Variants in DPP9 observed in about 807,000 individuals in gnomAD.
DPP9 encodes the protein dipeptidyl peptidase 9, also known as dipeptidyl peptidase IV-related protein-2.
In DPP9, 50 loss-of-function variants were observed where a neutral mutation model predicts 110.7. The observed-to-expected ratio is 0.45, with a 90% CI of 0.36 to 0.57. The LOEUF is 0.57. DPP9 is among the 20% of genes least tolerant of loss of function. The probability of loss-of-function intolerance (pLI) is 0.00; values close to 1 mark genes in which losing one functional copy is unlikely to be tolerated. For missense variants in DPP9, 1,022 were observed against 1,217.9 expected (o/e 0.84, Z 2.39); for synonymous variants, 561 against 514.4 (o/e 1.09, Z -1.23).
intron 19 of DPP9, chr19:4,683,146 C>A: frequency 6.9e-7 from 1 of 1,453,714 alleles, no homozygotes; most frequent in Non-Finnish European, 9.1e-7. Context: ...CCCTGACTGC[C>A]GCCGGCCTGG....
At position 4,700,991 on chromosome 19, in the gene DPP9, A is replaced by G. The variant is rs1019940095; in HGVS notation, c.1013-714T>C. 6.6e-6 allele frequency among the ~76,000 whole-genome samples: 1 copy of G among 152,156 alleles called. No individual in the cohort carries two copies. The highest frequency in any genetic ancestry group is 1.5e-5 in the Non-Finnish European group (1 of 68,036). ...TAGCTCATTTGCAGTGGGAGTTGGA[A>G]AGACCGTACAGGAAGCTTCCATCTA... is the stretch of plus-strand genomic sequence containing the variant. On this transcript the variant is annotated intron_variant, in intron 9 of 21. Transcript: ENST00000262960. The surrounding 1 kb of genome is among the most constrained non-coding windows in gnomAD (Gnocchi z 4.3).
intron 4 of DPP9, 65 bp downstream of exon 4, chr19:4,714,016 G>A: frequency 5.9e-6 from 9 of 1,519,858 alleles, no homozygotes; most frequent in Non-Finnish European, 7.9e-6. Context: ...TGGGAACAGA[G>A]AGGACCAGGG....
rs1242603327 is a variant in DPP9 at position 4,687,730 on chromosome 19, G to A, written c.1885+1027C>T. Reference sequence around the variant, plus strand: ...GGTGAGTGGAAAGCCTGATAACCACGGCGGGTTTCAAACCAGTGTGGGTGG... The same window carrying A: ...GGTGAGTGGAAAGCCTGATAACCACAGCGGGTTTCAAACCAGTGTGGGTGG... On this transcript the variant is annotated intron_variant, in intron 16 of 21. Coordinates refer to ENST00000262960, the MANE Select transcript of DPP9 (RefSeq NM_139159.5). This position sits in a 1 kb window ranked among gnomAD's most constrained non-coding sequence, Gnocchi z 4.7. Among the ~76,000 whole-genome samples the A allele has an allele frequency of 1.3e-5, 2 of 152,206 alleles. No homozygotes were observed. The highest frequency in any genetic ancestry group is 3.9e-4 in the East Asian group (2 of 5,194).
Position 4,695,338 on chromosome 19 carries a change from G to A in DPP9, c.1353+40C>T. On this transcript the variant is annotated intron_variant, in intron 12 of 21. Transcript: ENST00000262960. This position sits in a 1 kb window ranked among gnomAD's most constrained non-coding sequence, Gnocchi z 4.7. ...TGGGGGTGGGGACAGTGTGACTCCA[G>A]GGCCCAGGCGGGCATACAGCCAGCG... 1 of 1,519,132 alleles carries A rather than the reference G, an allele frequency of 6.6e-7. No individual in the cohort carries two copies. The allele number at this position is 1,519,132 out of a possible 1,614,324, so 94.1% of individuals were successfully genotyped here. A position where few individuals can be genotyped will look rare whatever the true frequency, so the allele number is the denominator to read the frequency against.
rs1250480046 is a variant in DPP9 at position 4,675,930 on chromosome 19, C to G, written c.*634G>C. 1 of 152,474 alleles carries G rather than the reference C, an allele frequency of 6.6e-6. No individual in the cohort carries two copies. Among genetic ancestry groups the G allele is most frequent in the Non-Finnish European group, 1.5e-5 (1 of 68,306 alleles). 9.4% of individuals were successfully genotyped at this position (152,474 alleles called of 1,614,324 possible). On this transcript the variant is annotated 3_prime_UTR_variant, in exon 22 of 22. Coordinates refer to ENST00000262960, the MANE Select transcript of DPP9 (RefSeq NM_139159.5). Reference sequence around the variant, plus strand: ...GGGATTATAGGCACGCGCCACCACACCCGGCTAATTTTTTGTATTTTTAGT... The same window carrying G: ...GGGATTATAGGCACGCGCCACCACAGCCGGCTAATTTTTTGTATTTTTAGT...
chr19:4,720,054 C>G, intron 2 of DPP9, 113 bp from the exon 3 acceptor site: 1 of 878,192 alleles, frequency 1.1e-6, no homozygotes, highest in Non-Finnish European at 1.8e-6. Flanking sequence ...CCCAAGCCTC[C>G]GGGGAGCACC....
rs1471054086 is a variant in DPP9, at chr19:4,683,104, C to T, written c.2332-266G>A. 5 of 1,480,810 alleles carry T rather than the reference C, an allele frequency of 3.4e-6. 1 individual carries two copies. Among genetic ancestry groups the T allele is most frequent in the Middle Eastern group, 4.7e-4 (2 of 4,272 alleles). The allele number at this position is 1,480,810 out of a possible 1,614,324, so 91.7% of individuals were successfully genotyped here. The stretch of plus-strand genomic sequence containing the variant: ...CCGGGTCCCACTGCCCGTCTGCCTC[C>T]TCCTCCTCCTCATCGCCGCCGCCCC... On this transcript the variant is annotated intron_variant, in intron 19 of 21. Coordinates refer to ENST00000262960, the MANE Select transcript of DPP9 (RefSeq NM_139159.5).
intron 4 of DPP9, among the ~76,000 whole-genome samples, chr19:4,709,303 G>A (rs1805447056): frequency 6.6e-6 from 1 of 152,120 alleles, no homozygotes; most frequent in Admixed American, 6.6e-5. Flanking sequence ...GCATGAGGAA[G>A]CGCGCTTGTG....
chr19:4,719,743 G>A (rs2093235778), intron 3 of DPP9, 108 bp downstream of exon 3: 1 of 1,305,576 alleles, frequency 7.7e-7, no homozygotes, highest in African/African-American at 1.5e-5. Context: ...ACGTGCTGGG[G>A]AAGCCAGGGG....
Position 4,683,631 on chromosome 19 carries a change from T to G in DPP9, c.2179-2A>C. 1 of 1,613,368 alleles carries G rather than the reference T, an allele frequency of 6.2e-7. No individual in the cohort carries two copies. Among genetic ancestry groups the G allele is most frequent in the Non-Finnish European group, 8.5e-7 (1 of 1,179,852 alleles). On this transcript the variant is annotated splice_acceptor_variant, in intron 18 of 21. Transcript: ENST00000262960. LOFTEE classifies it high-confidence loss of function. ...CTGGTCCTCGATCTCCACCTGGCCC[T>G]GAGGGATGAAGCCGGGCACCTCTCA... is the stretch of plus-strand genomic sequence containing the variant.
intron 4 of DPP9, among the ~76,000 whole-genome samples, chr19:4,711,547 C>T (rs546491403): frequency 2.8e-4 from 43 of 151,876 alleles, no homozygotes; most frequent in African/African-American, 7.0e-4. Context: ...CTGAGGCAGG[C>T]GGATCACCTG....
Position 4,679,073 on chromosome 19 carries a change from C to A in DPP9, c.2586+762G>T, listed in dbSNP as rs2089366139. 3.3e-5 allele frequency among the ~76,000 whole-genome samples: 5 copies of A among 151,462 alleles called. No individual in the cohort carries two copies. In the South Asian group the frequency reaches 1.0e-3, roughly 32 times the overall value. On this transcript the variant is annotated intron_variant, in intron 21 of 21. Transcript: ENST00000262960. The stretch of plus-strand genomic sequence containing the variant: ...GCTCCACCCTGCTTACTGAGGGCCC[C>A]CCCTCCTCTACAGCAGAAGCCCCAC...
Position 4,684,411 on chromosome 19 carries a change from A to G in DPP9, c.2178+252T>C. ...GTGCAAAGGGGCCGAGATGATCGCC[A>G]TCACCACCGTCGTCATCACCAGTGT... is the stretch of plus-strand genomic sequence containing the variant. On this transcript the variant is annotated intron_variant, in intron 18 of 21. Coordinates refer to ENST00000262960, the MANE Select transcript of DPP9 (RefSeq NM_139159.5). This position sits in a 1 kb window ranked among gnomAD's most constrained non-coding sequence, Gnocchi z 4.8. 1 of 534,788 alleles carries G rather than the reference A, an allele frequency of 1.9e-6. No homozygotes were observed. The highest frequency in any genetic ancestry group is 3.3e-6 in the Non-Finnish European group (1 of 299,086). The allele number at this position is 534,788 out of a possible 1,614,324, so 33.1% of individuals were successfully genotyped here.
intron 4 of DPP9, 31 bp downstream of exon 4, chr19:4,714,050 C>A (rs1271129961): frequency 6.3e-7 from 1 of 1,585,138 alleles, no homozygotes; most frequent in Non-Finnish European, 8.6e-7. Flanking sequence ...GATGCTGTCC[C>A]CGCCCAAGCA....
chr19:4,683,767 G>A (rs755165703), intron 18 of DPP9, 138 bp from the exon 19 acceptor site: 71 of 1,576,920 alleles, frequency 4.5e-5, no homozygotes, highest in Non-Finnish European at 5.7e-5. Flanking sequence ...GTCCTTCCAG[G>A]CCCTGCTAAC....
rs2093116727 is a variant in DPP9 at position 4,717,097 on chromosome 19, A to G, written c.56+2754T>C. ...TCCAACTCGACCCCAAAGAAATGACAGGGGAAAATGCTTCCCTTGTTTCAT... is the reference window on the plus strand; with the variant it reads ...TCCAACTCGACCCCAAAGAAATGACGGGGGAAAATGCTTCCCTTGTTTCAT... On this transcript the variant is annotated intron_variant, in intron 3 of 21. Transcript: ENST00000262960. Among the ~76,000 whole-genome samples the G allele has an allele frequency of 2.0e-5, 3 of 152,200 alleles. No individual in the cohort carries two copies. The South Asian group carries it at 6.2e-4, about 32-fold the overall frequency.
rs1397054375 is a variant in DPP9 at position 4,684,025 on chromosome 19, C to T, written c.2179-396G>A. On this transcript the variant is annotated intron_variant, in intron 18 of 21. Transcript: ENST00000262960. This position sits in a 1 kb window ranked among gnomAD's most constrained non-coding sequence, Gnocchi z 4.8. ...TCGCCGTTGTCACTACCAGCCACAT[C>T]CCCACCACCGCCACTGCCACGATTT... 12 of 384,234 alleles carry T rather than the reference C, an allele frequency of 3.1e-5. No individual in the cohort carries two copies. The highest frequency in any genetic ancestry group is 2.3e-4 in the South Asian group (11 of 47,800). 23.8% of individuals were successfully genotyped at this position (384,234 alleles called of 1,614,324 possible). A position where few individuals can be genotyped will look rare whatever the true frequency, so the allele number is the denominator to read the frequency against.
chr19:4,695,489 C>A lies in DPP9; in HGVS notation c.1242G>T (p.Leu414=). 6.4e-7 allele frequency: 1 copy of A among 1,569,208 alleles called. No individual in the cohort carries two copies. Among genetic ancestry groups the A allele is most frequent in the Admixed American group, 1.8e-5 (1 of 54,242 alleles). ...WLQLVLLPPA[L]FIPSTENEEQ... is the part of the protein sequence containing the mutation. ...CCTCATTCTCTGTGCTCGGGATGAACAGGGCCGGGGGGAGGAGGACGAGCT... is the reference window on the plus strand; with the variant it reads ...CCTCATTCTCTGTGCTCGGGATGAAAAGGGCCGGGGGGAGGAGGACGAGCT... Residue 414 remains leucine (L), a synonymous_variant, in exon 12 of 22, where the codon CTG becomes CTT. Transcript: ENST00000262960. This position sits in a 1 kb window ranked among gnomAD's most constrained non-coding sequence, Gnocchi z 4.7.
At position 4,704,835 on chromosome 19, in the gene DPP9, C is replaced by G. The variant is rs1172178331; in HGVS notation, c.427-531G>C. The stretch of plus-strand genomic sequence containing the variant: ...CCAATATGGTGAAACCCCGTCTCTA[C>G]TAAAAATACAAAAATTAGCCGGGTG... On this transcript the variant is annotated intron_variant, in intron 5 of 21. Coordinates refer to ENST00000262960, the MANE Select transcript of DPP9 (RefSeq NM_139159.5). This position sits in a 1 kb window ranked among gnomAD's most constrained non-coding sequence, Gnocchi z 6.0. 6.6e-6 allele frequency among the ~76,000 whole-genome samples: 1 copy of G among 152,154 alleles called. No homozygotes were observed. Among genetic ancestry groups the G allele is most frequent in the Non-Finnish European group, 1.5e-5 (1 of 68,024 alleles).
Sources: gnomAD v4.1 joint callset for allele counts (sites outside exome capture counted in the v4.1 genomes callset) on GRCh38, gnomAD v4.1.1 for gene constraint, Gnocchi (gnomAD v3.1) non-coding constraint, MANE v1.5 for transcripts, NCBI Gene and HGNC (gene_info 2026-07-23, HGNC 2026-07-21) for gene names.